Variants in NAALADL2 observed in about 807,000 individuals in gnomAD.
The protein encoded by NAALADL2 is inactive N-acetylated-alpha-linked acidic dipeptidase-like protein 2.
NAALADL2 carries 76 observed loss-of-function variants against 87.2 expected under a neutral mutation model. That is an observed-to-expected ratio of 0.87 (90% confidence interval 0.72 to 1.05). NAALADL2 has a LOEUF of 1.05. Among genes scored for constraint, NAALADL2 ranks in the 50% least tolerant of loss-of-function variants. NAALADL2 has a pLI of 0.00. For missense variants in NAALADL2, 1,089 were observed against 945.8 expected, an observed-to-expected ratio of 1.15 and a Z score of -1.99; for synonymous variants, 354 against 331.0, an observed-to-expected ratio of 1.07 and a Z score of -0.75.
intron 1 of NAALADL2, among the ~76,000 whole-genome samples, chr3:174,488,233 T>C (rs1717977731): frequency 6.6e-6 from 1 of 152,078 alleles, no homozygotes; most frequent in Non-Finnish European, 1.5e-5. Flanking sequence ...ATCACTGCTG[T>C]AATCAAAGAC....
At chr3:175,063,009 G>C (rs1170205388) in intron 1 of NAALADL2, among the ~76,000 whole-genome samples, 1 of 152,058 alleles carries the variant, frequency 6.6e-6, no homozygotes, top group Non-Finnish European at 1.5e-5. Flanking sequence ...TGATAATAAT[G>C]TATTTCATAC....
chr3:174,931,112 C>T (rs992336091), intron 1 of NAALADL2, among the ~76,000 whole-genome samples: 2 of 152,050 alleles, frequency 1.3e-5, no homozygotes, highest in Admixed American at 6.6e-5. Flanking sequence ...ACAAGTATTT[C>T]GGGGCTGAAT....
intron 1 of NAALADL2, among the ~76,000 whole-genome samples, chr3:174,929,907 A>C (rs1361222660): frequency 6.6e-6 from 1 of 152,198 alleles, no homozygotes; most frequent in Non-Finnish European, 1.5e-5. Flanking sequence ...GTAAAGAATA[A>C]ATGACATAGT....
At chr3:175,196,179 T>C (rs1055578955) in intron 2 of NAALADL2, among the ~76,000 whole-genome samples, 1 of 151,892 alleles carries the variant, frequency 6.6e-6, no homozygotes, top group African/African-American at 2.4e-5. Flanking sequence ...CAAAAGCTGG[T>C]GTTTATCTTT....
intron 3 of NAALADL2, among the ~76,000 whole-genome samples, chr3:174,848,518 A>G (rs1330741169): frequency 6.6e-6 from 1 of 152,150 alleles, no homozygotes; most frequent in African/African-American, 2.4e-5. Context: ...AAGTTTCTTA[A>G]AAATGTGCTC....
At chr3:174,633,257 T>G (rs1722324632) in intron 2 of NAALADL2, among the ~76,000 whole-genome samples, 3 of 152,144 alleles carry the variant, frequency 2.0e-5, no homozygotes, top group Admixed American at 6.5e-5. Flanking sequence ...TTTCCGAAAC[T>G]TAAAAATATA....
At chr3:175,795,092 T>C (rs1170813814) in intron 13 of NAALADL2, among the ~76,000 whole-genome samples, 1 of 152,148 alleles carries the variant, frequency 6.6e-6, no homozygotes, top group Non-Finnish European at 1.5e-5. Flanking sequence ...CCAAACTTAA[T>C]TACCCCCAAG....
At chr3:174,847,985 G>A (rs1724821862) in intron 3 of NAALADL2, among the ~76,000 whole-genome samples, 6 of 149,754 alleles carry the variant, frequency 4.0e-5, no homozygotes, top group Admixed American at 4.0e-4. Flanking sequence ...GTGTATCTAA[G>A]TATTCTAACT....
chr3:174,703,535 C>T (rs761716036), intron 2 of NAALADL2, among the ~76,000 whole-genome samples: 3 of 151,862 alleles, frequency 2.0e-5, no homozygotes, highest in African/African-American at 4.8e-5. Context: ...ATAAGTGGGT[C>T]GTCATCTTAT....
intron 3 of NAALADL2, among the ~76,000 whole-genome samples, chr3:174,844,101 G>T (rs549791369): frequency 6.6e-4 from 100 of 152,248 alleles, no homozygotes; most frequent in African/African-American, 2.4e-3. Flanking sequence ...CAGCCCCAAT[G>T]TTGTAAAGCA....
chr3:174,877,775 C>A (rs66995111), intron 1 of NAALADL2, among the ~76,000 whole-genome samples: 31,578 of 151,876 alleles, frequency 0.21, 4,734 homozygotes, highest in African/African-American at 0.42. Flanking sequence ...AGAAATCAAA[C>A]GACTTTATTT....
chr3:174,629,775 A>G (rs2108689440), intron 2 of NAALADL2, among the ~76,000 whole-genome samples: 1 of 152,274 alleles, frequency 6.6e-6, no homozygotes, highest in African/African-American at 2.4e-5. Context: ...TTACCTACGT[A>G]TGTATGCGTA....
chr3:174,637,599 G>A (rs976986259), intron 2 of NAALADL2, among the ~76,000 whole-genome samples: 4 of 152,002 alleles, frequency 2.6e-5, no homozygotes, highest in Admixed American at 2.6e-4. Context: ...ATTTTTATTT[G>A]TGAACACTGT....
At chr3:175,014,338 C>G (rs1395048215) in intron 1 of NAALADL2, among the ~76,000 whole-genome samples, 3 of 152,056 alleles carry the variant, frequency 2.0e-5, no homozygotes, top group African/African-American at 7.2e-5. Flanking sequence ...ACCTGCACCC[C>G]CATCCCTAAA....
At chr3:175,118,618 T>C (rs542971174) in intron 2 of NAALADL2, among the ~76,000 whole-genome samples, 16 of 151,840 alleles carry the variant, frequency 1.1e-4, no homozygotes, top group African/African-American at 3.4e-4. Context: ...GTCTCTTTTA[T>C]TCAATACTCT....
At chr3:175,154,711 TCTTA>T (rs1284050029) in intron 2 of NAALADL2, among the ~76,000 whole-genome samples, 1 of 152,170 alleles carries the variant, frequency 6.6e-6, no homozygotes, top group Non-Finnish European at 1.5e-5. Flanking sequence ...GCTATATTTT[TCTTA>T]CTTCTGAGGA....
intron 4 of NAALADL2, among the ~76,000 whole-genome samples, chr3:175,290,537 G>A (rs1178935151): frequency 6.6e-6 from 1 of 152,020 alleles, no homozygotes; most frequent in African/African-American, 2.4e-5. Flanking sequence ...TGGTTACATG[G>A]GCATATATAT....
At chr3:175,417,253 A>C (rs562910583) in intron 5 of NAALADL2, among the ~76,000 whole-genome samples, 1 of 151,944 alleles carries the variant, frequency 6.6e-6, no homozygotes, top group East Asian at 1.9e-4. Context: ...CTAATTAATT[A>C]CTCAGAAGCA....
chr3:175,513,073 G>A (rs1339192651), intron 9 of NAALADL2, among the ~76,000 whole-genome samples: 2 of 152,260 alleles, frequency 1.3e-5, no homozygotes, highest in East Asian at 3.9e-4. Context: ...TGCTGCCCCA[G>A]TTTCTGTGTG....
Sources: gnomAD v4.1 joint callset for allele counts (sites outside exome capture counted in the v4.1 genomes callset) on GRCh38, gnomAD v4.1.1 for gene constraint, MANE v1.5 for transcripts, NCBI Gene and HGNC (gene_info 2026-07-23, HGNC 2026-07-21) for gene names.